Variants in DLGAP4 observed in about 807,000 individuals in gnomAD.
The protein encoded by DLGAP4 is disks large-associated protein 4.
Under a neutral mutation model 86.9 loss-of-function variants are expected in DLGAP4, and 18 were observed. That is an observed-to-expected ratio of 0.21 (90% confidence interval 0.14 to 0.31). The LOEUF (loss-of-function observed/expected upper bound fraction) is 0.31, where lower values mean the gene tolerates loss of function less well. Among genes scored for constraint, DLGAP4 ranks in the 10% least tolerant of loss-of-function variants. DLGAP4 has a pLI of 1.00. For synonymous variants in DLGAP4, 548 were observed against 574.3 expected (o/e 0.95, Z 0.65); for missense variants, 1,085 against 1,362.6 (o/e 0.80, Z 3.21).
At position 36,485,964 on chromosome 20, in the gene DLGAP4, C is replaced by T. The variant is rs1316854705; in HGVS notation, c.1649-10741C>T. Among the ~76,000 whole-genome samples the T allele has an allele frequency of 2.6e-5, 4 of 152,320 alleles. No homozygotes were observed. In the East Asian group the frequency reaches 7.7e-4, roughly 29 times the overall value. On this transcript the variant is annotated intron_variant, in intron 7 of 12. Transcript: ENST00000339266. ...GCTTCAAGCAGATTTGCTCAAGGCTCTACCTCCCACCAGACTGTGCTCCTG... is the reference window on the plus strand; with the variant it reads ...GCTTCAAGCAGATTTGCTCAAGGCTTTACCTCCCACCAGACTGTGCTCCTG...
At chr20:36,510,005 C>T (rs192351815) in intron 10 of DLGAP4, among the ~76,000 whole-genome samples, 5 of 150,328 alleles carry the variant, frequency 3.3e-5, no homozygotes, top group Admixed American at 1.3e-4. Context: ...TACAGGCATG[C>T]GCCACCACGC....
chr20:36,337,497 G>A (rs1233906567), intron 1 of DLGAP4, among the ~76,000 whole-genome samples: 3 of 152,178 alleles, frequency 2.0e-5, no homozygotes, highest in Admixed American at 2.0e-4. Context: ...ACTCAGTGCT[G>A]AGCTGAGATG....
chr20:36,492,197 T>A (rs903798014), intron 7 of DLGAP4, among the ~76,000 whole-genome samples: 1 of 152,166 alleles, frequency 6.6e-6, no homozygotes, highest in East Asian at 1.9e-4. Flanking sequence ...TTCACACATT[T>A]GAAATGAGAG....
intron 2 of DLGAP4, among the ~76,000 whole-genome samples, chr20:36,397,688 C>T (rs6031464): frequency 0.067 from 10,233 of 152,042 alleles, 1,144 homozygotes; most frequent in African/African-American, 0.23. Context: ...TTCTCATTTT[C>T]CTTTTGGTTT....
Position 36,436,123 on chromosome 20 carries a change from C to T in DLGAP4, c.1014C>T (p.Gly338=). The change falls in exon 4 of 13, where the codon GGC becomes GGT. Residue 338 remains glycine (G), a synonymous_variant. Coordinates refer to ENST00000339266, the MANE Select transcript of DLGAP4 (RefSeq NM_001365621.2). ...CCCATCCCCAGGTGCCCGGCGGCGG[C>T]GGCGAGTGGAGCACCACGCTGCTGT... ...AYHYLQVPGG[G]GEWSTTLLSP... 1 of 1,572,276 alleles carries T rather than the reference C, an allele frequency of 6.4e-7. No homozygotes were observed.
intron 1 of DLGAP4, among the ~76,000 whole-genome samples, chr20:36,334,037 G>A (rs371467609): frequency 3.5e-4 from 54 of 152,210 alleles, no homozygotes; most frequent in African/African-American, 8.2e-4. Context: ...CAAGGATGTC[G>A]TGTGTGCTGC....
intron 2 of DLGAP4, among the ~76,000 whole-genome samples, chr20:36,373,414 T>C (rs536757769): frequency 6.6e-6 from 1 of 152,306 alleles, no homozygotes; most frequent in African/African-American, 2.4e-5. Flanking sequence ...CAAACACAAG[T>C]CCCAGAACTA....
At chr20:36,414,675 T>C (rs980532980) in intron 2 of DLGAP4, among the ~76,000 whole-genome samples, 1 of 152,104 alleles carries the variant, frequency 6.6e-6, no homozygotes, top group Non-Finnish European at 1.5e-5. Flanking sequence ...CTGGGTGACA[T>C]TCCACAACTC....
intron 2 of DLGAP4, among the ~76,000 whole-genome samples, chr20:36,423,232 C>T (rs970509261): frequency 2.0e-5 from 3 of 151,942 alleles, no homozygotes; most frequent in Non-Finnish European, 4.4e-5. Context: ...GAGGCTGAGG[C>T]GGGCGGATCA....
At position 36,432,860 on chromosome 20, in the gene DLGAP4, T is replaced by C; in HGVS notation, c.999+144T>C. The C allele has an allele frequency of 2.9e-6, 3 of 1,047,394 alleles. No individual in the cohort carries two copies. Among genetic ancestry groups the C allele is most frequent in the Non-Finnish European group, 4.2e-6 (3 of 722,044 alleles). The allele number at this position is 1,047,394 out of a possible 1,614,324, so 64.9% of individuals were successfully genotyped here. The stretch of plus-strand genomic sequence containing the variant: ...AGCTATAAAATGGGTGGCCTAGTGG[T>C]ACCTGCTAATCAGGGAGTCCTTCCA... On this transcript the variant is annotated intron_variant, in intron 3 of 12. Transcript: ENST00000339266. The surrounding 1 kb of genome is among the most constrained non-coding windows in gnomAD (Gnocchi z 6.5).
In DLGAP4 at chr20:36,349,742, G is replaced by A. The variant is rs78976008; in HGVS notation, c.-303-17303G>A. Among the ~76,000 whole-genome samples, 1,244 of 152,250 alleles carry A rather than the reference G, an allele frequency of 8.2e-3. 11 individuals are homozygous for A. The highest frequency in any genetic ancestry group is 0.027 in the South Asian group (130 of 4,812). On this transcript the variant is annotated intron_variant, in intron 1 of 12. Coordinates refer to ENST00000339266, the MANE Select transcript of DLGAP4 (RefSeq NM_001365621.2). ...GGTACCCACATGTCATGATTTGCCC[G>A]GGGCAGTTCTGGAGTAATTACTAAC... is the stretch of plus-strand genomic sequence containing the variant.
intron 2 of DLGAP4, among the ~76,000 whole-genome samples, chr20:36,373,117 T>C (rs2425223): frequency 0.7 from 106,176 of 152,056 alleles, 37,855 homozygotes; most frequent in African/African-American, 0.85. Flanking sequence ...GAGATATAGG[T>C]GAGCTCTATT....
intron 10 of DLGAP4, among the ~76,000 whole-genome samples, chr20:36,509,239 G>A (rs1313462936): frequency 3.9e-5 from 6 of 151,936 alleles, no homozygotes; most frequent in African/African-American, 9.7e-5. Context: ...CCTGGACAAC[G>A]TAGTGAGACC....
At chr20:36,330,284 G>T (rs564795222) in intron 1 of DLGAP4, among the ~76,000 whole-genome samples, 21 of 152,264 alleles carry the variant, frequency 1.4e-4, no homozygotes, top group African/African-American at 5.1e-4. Context: ...GACCATATTG[G>T]TGGGGGCTCC....
intron 4 of DLGAP4, among the ~76,000 whole-genome samples, chr20:36,438,379 A>T (rs6012384): frequency 0.096 from 8,303 of 86,834 alleles, 272 homozygotes; most frequent in Non-Finnish European, 0.11. Flanking sequence ...CTCAAAAAAA[A>T]ATATATATAT....
At chr20:36,496,219 G>A (rs2147763562) in intron 7 of DLGAP4, among the ~76,000 whole-genome samples, 1 of 152,142 alleles carries the variant, frequency 6.6e-6, no homozygotes, top group African/African-American at 2.4e-5. Context: ...CCAAGCAGAG[G>A]GAATAGGGGA....
intron 3 of DLGAP4, among the ~76,000 whole-genome samples, chr20:36,433,008 C>G (rs2033170094): frequency 6.6e-6 from 1 of 152,156 alleles, no homozygotes; most frequent in South Asian, 2.1e-4. Flanking sequence ...AACCCCCTCA[C>G]AGAACCAATT....
At chr20:36,507,175 C>T (rs756887325) in intron 10 of DLGAP4, among the ~76,000 whole-genome samples, 2 of 152,032 alleles carry the variant, frequency 1.3e-5, no homozygotes, top group Non-Finnish European at 2.9e-5. Context: ...AAATTCTGTA[C>T]ATCCACTCAA....
chr20:36,445,444 C>T (rs975367487), intron 6 of DLGAP4, among the ~76,000 whole-genome samples: 1 of 152,148 alleles, frequency 6.6e-6, no homozygotes, highest in Non-Finnish European at 1.5e-5. Context: ...GCGGAGGTTG[C>T]AGTGAGCCGA....
Sources: allele counts gnomAD v4.1 joint callset (sites outside exome capture counted in the v4.1 genomes callset), GRCh38; gene constraint gnomAD v4.1.1; non-coding constraint Gnocchi (gnomAD v3.1); transcripts MANE v1.5; gene names NCBI Gene and HGNC (gene_info 2026-07-23, HGNC 2026-07-21).